DNAH9: variants seen among roughly 807,000 people sequenced by gnomAD.
The protein encoded by DNAH9 is dynein axonemal heavy chain 9.
A neutral mutation model predicts 471.6 loss-of-function variants in DNAH9; 345 were observed. The observed-to-expected ratio is 0.73, with a 90% CI of 0.67 to 0.80. The LOEUF (loss-of-function observed/expected upper bound fraction) is 0.80. Among genes scored for constraint, DNAH9 ranks in the 30% least tolerant of loss-of-function variants. The pLI is 0.00. For synonymous variants in DNAH9, 2,093 were observed against 2,123.6 expected (o/e 0.99, Z 0.40); for missense variants, 5,407 against 5,609.2 (o/e 0.96, Z 1.15).
chr17:11,920,883 G>A (rs923638735), intron 61 of DNAH9, among the ~76,000 whole-genome samples: 3 of 152,122 alleles, frequency 2.0e-5, no homozygotes, highest in Non-Finnish European at 4.4e-5. Flanking sequence ...GCTCATGCCT[G>A]TAATCCCAGC....
intron 27 of DNAH9, among the ~76,000 whole-genome samples, chr17:11,726,963 G>A (rs895388841): frequency 5.1e-5 from 7 of 137,006 alleles, no homozygotes; most frequent in Admixed American, 8.8e-5. Flanking sequence ...CAGGAGAATC[G>A]CTTGAACCTG....
intron 19 of DNAH9, among the ~76,000 whole-genome samples, chr17:11,681,430 A>G (rs2074130864): frequency 6.6e-6 from 1 of 152,172 alleles, no homozygotes; most frequent in Non-Finnish European, 1.5e-5. Context: ...ATCCATGCCC[A>G]CGCTGCACAT....
At position 11,902,757 on chromosome 17, in the gene DNAH9, G is replaced by A. The variant is rs757219133; in HGVS notation, c.11445G>A (p.Arg3815=). Residue 3815 remains arginine (R), a synonymous_variant, in exon 60 of 69, where the codon CGG becomes CGA. Transcript: ENST00000262442. ...TGGAAGAATTCTCTAATCTGGATCG[G>A]GACATAGAGGGATCTGCTAAGAGCT... ...SSMEEFSNLD[R]DIEGSAKSWK... 4 of 1,613,920 alleles carry A rather than the reference G, an allele frequency of 2.5e-6. No individual in the cohort carries two copies. The highest frequency in any genetic ancestry group is 1.7e-5 in the Admixed American group (1 of 59,986).
intron 1 of DNAH9, 141 bp from the exon 2 acceptor site, chr17:11,607,988 T>G (rs2072545478): frequency 1.7e-6 from 1 of 591,930 alleles, no homozygotes; most frequent in African/African-American, 1.8e-5. Context: ...GTATGTAATG[T>G]TCGACCCTAT....
At chr17:11,898,870 G>T (rs774982395) in intron 59 of DNAH9, among the ~76,000 whole-genome samples, 1 of 152,164 alleles carries the variant, frequency 6.6e-6, no homozygotes, top group African/African-American at 2.4e-5. Flanking sequence ...CTCTTTTCAC[G>T]AAATGGATTG....
rs959684522 is a variant in DNAH9 at position 11,626,604 on chromosome 17, CA to C, written c.1351-2812del. ...TTTTTAGGTCGAAATGATCCCGTAT[CA>C]GCAATGTAATAAGTTCAACCTGTAT... On this transcript the variant is annotated intron_variant, in intron 6 of 68. Transcript: ENST00000262442. The surrounding 1 kb of genome is among the most constrained non-coding windows in gnomAD (Gnocchi z 4.3). 6.6e-6 allele frequency among the ~76,000 whole-genome samples: 1 copy of C among 152,146 alleles called. No homozygotes were observed. Among genetic ancestry groups the C allele is most frequent in the Non-Finnish European group, 1.5e-5 (1 of 68,028 alleles).
intron 1 of DNAH9, among the ~76,000 whole-genome samples, chr17:11,602,450 TCTC>T (rs1353309164): frequency 1.3e-5 from 2 of 152,116 alleles, no homozygotes; most frequent in Non-Finnish European, 2.9e-5. Flanking sequence ...CCTACAGCCT[TCTC>T]CTAAGCCTGG....
Position 11,727,868 on chromosome 17 carries a change from C to G in DNAH9, c.5760C>G (p.Cys1920Trp), listed in dbSNP as rs1484425103. 1 of 1,614,118 alleles carries G rather than the reference C, an allele frequency of 6.2e-7. No individual in the cohort carries two copies. Among genetic ancestry groups the G allele is most frequent in the Non-Finnish European group, 8.5e-7 (1 of 1,179,982 alleles). ...KGLAQTGAWG[C>W]FDEFNRISVE... The stretch of plus-strand genomic sequence containing the variant: ...TTGCTCAGACTGGTGCCTGGGGCTG[C>G]TTTGATGAGTTTAATCGAATCTCCG... The change falls in exon 28 of 69, where the codon TGC becomes TGG. Residue 1920 changes from cysteine (C) to tryptophan (W), a missense_variant. Around this residue, in one of 3 missense-constraint regions of DNAH9, gnomAD observed 4,636 missense variants for 4,900.3 expected, o/e 0.95. Coordinates refer to ENST00000262442, the MANE Select transcript of DNAH9 (RefSeq NM_001372.4).
intron 68 of DNAH9, among the ~76,000 whole-genome samples, chr17:11,965,280 C>T (rs1976607576): frequency 6.6e-6 from 1 of 152,214 alleles, no homozygotes; most frequent in Non-Finnish European, 1.5e-5. Context: ...AACTGCCTGG[C>T]TAAGCACTGA....
At chr17:11,811,231 T>G (rs1219080005) in intron 45 of DNAH9, among the ~76,000 whole-genome samples, 1 of 151,992 alleles carries the variant, frequency 6.6e-6, no homozygotes, top group Non-Finnish European at 1.5e-5. Context: ...GAGAATCGCT[T>G]GAACCTGGAA....
At chr17:11,872,987 A>G (rs1972343299) in intron 52 of DNAH9, among the ~76,000 whole-genome samples, 1 of 152,240 alleles carries the variant, frequency 6.6e-6, no homozygotes, top group Non-Finnish European at 1.5e-5. Context: ...ACATAAGGTA[A>G]AAGCTGTATT....
At position 11,629,547 on chromosome 17, in the gene DNAH9, C is replaced by T. The variant is rs751970112; in HGVS notation, c.1481C>T (p.Ser494Leu). Residue 494 changes from serine (S) to leucine (L), a missense_variant, in exon 7 of 69, where the codon TCA (serine) becomes TTA (leucine). Around this residue, in one of 3 missense-constraint regions of DNAH9, gnomAD observed 767 missense variants for 692.5 expected, o/e 1.11. Coordinates refer to ENST00000262442, the MANE Select transcript of DNAH9 (RefSeq NM_001372.4). ...TTTCAAGAGATGTACAGGCTTCTCT[C>T]AGGATCCTCCTCCGACTGCCTGTAC... ...EEFQEMYRLL[S>L]GSSSDCLYLQ... is the part of the protein sequence containing the mutation. 5 of 1,614,078 alleles carry T rather than the reference C, an allele frequency of 3.1e-6. No homozygotes were observed. Among genetic ancestry groups the T allele is most frequent in the Non-Finnish European group, 4.2e-6 (5 of 1,179,998 alleles).
At chr17:11,860,569 TG>T (rs1445599770) in intron 50 of DNAH9, among the ~76,000 whole-genome samples, 1 of 152,046 alleles carries the variant, frequency 6.6e-6, no homozygotes, top group African/African-American at 2.4e-5. Context: ...TGTTGTTTGT[TG>T]TTTTTTTTTT....
chr17:11,769,654 G>T (rs1197504604), intron 38 of DNAH9, among the ~76,000 whole-genome samples: 1 of 152,220 alleles, frequency 6.6e-6, no homozygotes, highest in Non-Finnish European at 1.5e-5. Context: ...GCAAGAACTT[G>T]CAGACTTCCG....
intron 50 of DNAH9, among the ~76,000 whole-genome samples, chr17:11,864,445 T>C (rs1364533016): frequency 2.0e-5 from 3 of 150,316 alleles, no homozygotes; most frequent in Non-Finnish European, 4.5e-5. Context: ...CTTCCAACTA[T>C]GTGGTCAATT....
intron 35 of DNAH9, among the ~76,000 whole-genome samples, chr17:11,760,222 A>G (rs1016466151): frequency 6.6e-6 from 1 of 151,834 alleles, no homozygotes; most frequent in Non-Finnish European, 1.5e-5. Flanking sequence ...GAGTGCAGGT[A>G]TCTTTTTGAT....
chr17:11,655,563 G>A (rs139245927), intron 14 of DNAH9, among the ~76,000 whole-genome samples: 23 of 151,468 alleles, frequency 1.5e-4, no homozygotes, highest in African/African-American at 5.3e-4. Flanking sequence ...TACCCTGGAG[G>A]TTGTGTAATA....
rs373382337 is a variant in DNAH9, at chr17:11,647,103, C to T, written c.2002C>T (p.Arg668Trp). The T allele has an allele frequency of 2.5e-5, 40 of 1,613,738 alleles. No homozygotes were observed. The highest frequency in any genetic ancestry group is 4.0e-5 in the African/African-American group (3 of 74,870). Residue 668 changes from arginine (R) to tryptophan (W), a missense_variant, in exon 12 of 69, where the codon CGG (arginine) becomes TGG (tryptophan). Transcript: ENST00000262442. ...GACAAGACTTTATGAGGATTGGTGC[C>T]GGACAGTATCAGAGAAGTCACAGTA... Reference protein sequence around the residue: ...YETRLYEDWCRTVSEKSQYNL... With the variant: ...YETRLYEDWCWTVSEKSQYNL...
chr17:11,935,660 C>T (rs977932346), intron 65 of DNAH9, among the ~76,000 whole-genome samples: 2 of 152,162 alleles, frequency 1.3e-5, no homozygotes, highest in Non-Finnish European at 2.9e-5. Flanking sequence ...AGGCGTGAGC[C>T]ACCGCGCCCG....
Sources: gnomAD v4.1 joint callset for allele counts (sites outside exome capture counted in the v4.1 genomes callset) on GRCh38, gnomAD v4.1.1 for gene constraint, gnomAD v4.1.1 regional missense constraint, Gnocchi (gnomAD v3.1) non-coding constraint, MANE v1.5 for transcripts, NCBI Gene and HGNC (gene_info 2026-07-23, HGNC 2026-07-21) for gene names.